The following ADGRL2 variants were observed in gnomAD, a reference collection of about 807,000 sequenced individuals.
ADGRL2 encodes the protein calcium-independent alpha-latrotoxin receptor 2.
In ADGRL2, 44 loss-of-function variants were observed where a neutral mutation model predicts 157.4. The observed-to-expected ratio is 0.28, with a 90% CI of 0.22 to 0.36. ADGRL2 has a LOEUF of 0.36. ADGRL2 is among the 10% of genes least tolerant of loss of function. The pLI is 1.00. For missense variants in ADGRL2, 1,510 were observed against 1,768.9 expected, an observed-to-expected ratio of 0.85 and a Z score of 2.63; for synonymous variants, 585 against 624.7, an observed-to-expected ratio of 0.94 and a Z score of 0.95.
At chr1:81,611,209 A>T (rs964451403) in intron 3 of ADGRL2, among the ~76,000 whole-genome samples, 2 of 152,208 alleles carry the variant, frequency 1.3e-5, no homozygotes, top group African/African-American at 4.8e-5. Context: ...AAGCCCTACT[A>T]GAACAGTCAC....
chr1:81,980,815 G>T, intron 18 of ADGRL2: 1 of 714,120 alleles, frequency 1.4e-6, no homozygotes, highest in Non-Finnish European at 2.6e-6. Context: ...GTTTGTGATG[G>T]CTACTATAAT....
At chr1:81,340,602 A>T (rs1662002299) in intron 1 of ADGRL2, among the ~76,000 whole-genome samples, 1 of 152,194 alleles carries the variant, frequency 6.6e-6, no homozygotes, top group Non-Finnish European at 1.5e-5. Context: ...TATGATTAAA[A>T]TTAAAAGTAA....
intron 11 of ADGRL2, among the ~76,000 whole-genome samples, chr1:81,961,539 C>CTGTTTTTTTT (rs1655401740): frequency 8.2e-6 from 1 of 121,264 alleles, no homozygotes; most frequent in African/African-American, 3.2e-5. Flanking sequence ...CGGAGTTTTG[C>CTGTTTTTTTT]TCTTGTCGTC....
chr1:81,969,420 CT>C (rs1558022028), intron 15 of ADGRL2, 33 bp downstream of exon 15: 1 of 1,466,006 alleles, frequency 6.8e-7, no homozygotes, highest in Non-Finnish European at 9.5e-7. Flanking sequence ...GACCTTAGAT[CT>C]CTGAAAATTA....
chr1:81,596,102 CTTT>C (rs34056607), intron 3 of ADGRL2: 7,348 of 336,716 alleles, frequency 0.022, 9 homozygotes, highest in South Asian at 0.031. Flanking sequence ...GAACTAGGAT[CTTT>C]TTTTTTTTTT....
intron 10 of ADGRL2, among the ~76,000 whole-genome samples, chr1:81,953,680 G>A (rs1253762314): frequency 6.6e-6 from 1 of 152,110 alleles, no homozygotes; most frequent in Admixed American, 6.6e-5. Flanking sequence ...TAGGAAACAT[G>A]CTGAGGCTGC....
At chr1:81,811,045 C>T (rs1167123376) in intron 1 of ADGRL2, among the ~76,000 whole-genome samples, 2 of 151,744 alleles carry the variant, frequency 1.3e-5, no homozygotes, top group African/African-American at 4.8e-5. Flanking sequence ...ATAGCCTGCA[C>T]GGAAATGACT....
At chr1:81,398,071 G>T (rs1019390999) in intron 1 of ADGRL2, among the ~76,000 whole-genome samples, 10 of 151,920 alleles carry the variant, frequency 6.6e-5, no homozygotes, top group Non-Finnish European at 1.3e-4. Context: ...GACCTTCTTT[G>T]TCTCTTTTTA....
At chr1:81,781,801 C>T (rs1411123180) in intron 2 of ADGRL2, among the ~76,000 whole-genome samples, 1 of 152,164 alleles carries the variant, frequency 6.6e-6, no homozygotes, top group Non-Finnish European at 1.5e-5. Context: ...CTACTGCCAG[C>T]ATTGAAAGAC....
At chr1:81,434,073 A>G (rs1446359615) in intron 1 of ADGRL2, among the ~76,000 whole-genome samples, 1 of 152,200 alleles carries the variant, frequency 6.6e-6, no homozygotes, top group Non-Finnish European at 1.5e-5. Flanking sequence ...AGGACCTAGT[A>G]TGCTATCTCT....
chr1:81,847,818 T>C (rs1455992911), intron 2 of ADGRL2, among the ~76,000 whole-genome samples: 1 of 151,936 alleles, frequency 6.6e-6, no homozygotes, highest in African/African-American at 2.4e-5. Flanking sequence ...TATAAAGTCA[T>C]GTAATGCAAA....
At chr1:81,624,373 G>T (rs2081864124) in intron 3 of ADGRL2, among the ~76,000 whole-genome samples, 2 of 152,078 alleles carry the variant, frequency 1.3e-5, no homozygotes, top group Non-Finnish European at 2.9e-5. Context: ...TTGAGGCCAG[G>T]AGTTCAAGAC....
At chr1:81,976,196 G>T (rs1207894461) in intron 17 of ADGRL2, among the ~76,000 whole-genome samples, 1 of 151,728 alleles carries the variant, frequency 6.6e-6, no homozygotes, top group Admixed American at 6.6e-5. Context: ...AATATGTATT[G>T]GTGAAATTTT....
chr1:81,673,606 C>G (rs539689016), intron 3 of ADGRL2, among the ~76,000 whole-genome samples: 1 of 151,450 alleles, frequency 6.6e-6, no homozygotes, highest in Non-Finnish European at 1.5e-5. Flanking sequence ...GCTCTGCCTC[C>G]CGGGTTCACA....
At chr1:81,665,959 T>C (rs2082742726) in intron 3 of ADGRL2, among the ~76,000 whole-genome samples, 1 of 152,160 alleles carries the variant, frequency 6.6e-6, no homozygotes, top group African/African-American at 2.4e-5. Flanking sequence ...ATGTGTCTTC[T>C]TCCAATCAGA....
At chr1:81,948,242 G>A (rs1194348739) in intron 6 of ADGRL2, among the ~76,000 whole-genome samples, 3 of 135,596 alleles carry the variant, frequency 2.2e-5, no homozygotes, top group Non-Finnish European at 4.7e-5. Context: ...ACAAAAAGGT[G>A]AAAAGGTATA....
chr1:81,436,927 C>T (rs1196167080), intron 1 of ADGRL2, among the ~76,000 whole-genome samples: 2 of 152,258 alleles, frequency 1.3e-5, no homozygotes. Flanking sequence ...CTTCTTTCCA[C>T]ACCTTACCCC....
intron 1 of ADGRL2, among the ~76,000 whole-genome samples, chr1:81,411,802 C>A (rs1191059681): frequency 6.6e-6 from 1 of 151,484 alleles, no homozygotes; most frequent in Admixed American, 6.6e-5. Flanking sequence ...ATGGCGTGAA[C>A]CCGGGAGGAG....
intron 1 of ADGRL2, 104 bp from the exon 2 acceptor site, chr1:81,836,781 A>G (rs2092306420): frequency 2.3e-6 from 1 of 431,182 alleles, no homozygotes; most frequent in South Asian, 5.7e-5. Context: ...CATAGAATCA[A>G]AATATGTTTT....
Sources: allele counts gnomAD v4.1 joint callset (sites outside exome capture counted in the v4.1 genomes callset), GRCh38; gene constraint gnomAD v4.1.1; transcripts MANE v1.5; gene names NCBI Gene and HGNC (gene_info 2026-07-23, HGNC 2026-07-21).